The following XG variants were observed in gnomAD, a reference collection of about 807,000 sequenced individuals.
XG encodes the protein glycoprotein Xg.
In XG, 24 loss-of-function variants were observed where a neutral mutation model predicts 25.7. The ratio of observed to expected loss-of-function variants is 0.93; its 90% CI spans 0.68 to 1.31. XG has a LOEUF of 1.31. Among genes scored for constraint, XG ranks in the 40% most tolerant of loss-of-function variants. The probability of loss-of-function intolerance (pLI) is 0.00; values close to 1 mark genes in which losing one functional copy is unlikely to be tolerated. For synonymous variants in XG, 77 were observed against 69.2 expected (o/e 1.11, Z -0.56); for missense variants, 181 against 187.6 (o/e 0.96, Z 0.21).
At chrX:2,771,264 A>G (rs754453971) in intron 2 of XG, among the ~76,000 whole-genome samples, 29 of 151,190 alleles carry the variant, frequency 1.9e-4, no homozygotes, top group African/African-American at 7.1e-4. Context: ...ACTTCAGTTC[A>G]TATCCCTCAT....
At chrX:2,758,020 C>T (rs996228119) in intron 1 of XG, among the ~76,000 whole-genome samples, 8 of 150,534 alleles carry the variant, frequency 5.3e-5, no homozygotes, top group Non-Finnish European at 7.4e-5. Context: ...ATGATGATCG[C>T]CTAAGGTGAG....
intron 9 of XG, among the ~76,000 whole-genome samples, chrX:2,809,746 A>C: frequency 9.0e-6 from 1 of 111,706 alleles, no homozygotes; most frequent in East Asian, 2.8e-4. Context: ...CGCTTTGACC[A>C]TGTTTCCTGG....
At chrX:2,774,979 G>A in intron 3 of XG, 1 of 574,172 alleles carries the variant, frequency 1.7e-6, no homozygotes, top group South Asian at 2.1e-5. Flanking sequence ...AATAACAAGT[G>A]TTGGCAAGGA....
intron 7 of XG, among the ~76,000 whole-genome samples, chrX:2,804,982 C>G (rs1324221098): frequency 8.9e-5 from 10 of 112,481 alleles, no homozygotes; most frequent in East Asian, 2.8e-4. Flanking sequence ...GCCTGTGCTC[C>G]CCTTCCTGCC....
chrX:2,812,606 G>A (rs2087068931), intron 10 of XG, among the ~76,000 whole-genome samples: 1 of 111,738 alleles, frequency 8.9e-6, no homozygotes, highest in Non-Finnish European at 1.9e-5. Flanking sequence ...CCCTCTGCTG[G>A]TGAATGGGCA....
chrX:2,770,647 T>A, intron 2 of XG, 56 bp downstream of exon 2: 2 of 1,593,382 alleles, frequency 1.3e-6, no homozygotes, highest in South Asian at 2.2e-5. Flanking sequence ...TCTAACAGCA[T>A]CAGCTGTATA....
chrX:2,752,913 T>A (rs1206166539), intron 1 of XG: 1 of 985,266 alleles, frequency 1.0e-6, no homozygotes, highest in African/African-American at 1.7e-5. Flanking sequence ...CTGTCCCAGA[T>A]CCAAGATTAG....
chrX:2,778,948 G>C (rs1329492414), intron 3 of XG, among the ~76,000 whole-genome samples: 2 of 151,848 alleles, frequency 1.3e-5, no homozygotes, highest in East Asian at 3.9e-4. Flanking sequence ...TTTTTTAGTA[G>C]AGACGGGGTT....
intron 4 of XG, among the ~76,000 whole-genome samples, chrX:2,786,080 CA>C (rs1264539853): frequency 9.1e-6 from 1 of 109,569 alleles, no homozygotes; most frequent in Non-Finnish European, 1.9e-5. Context: ...TGGAGGAACC[CA>C]AAATTCTCTC....
chrX:2,766,757 G>C (rs1345057236), intron 1 of XG, among the ~76,000 whole-genome samples: 2 of 150,598 alleles, frequency 1.3e-5, no homozygotes, highest in African/African-American at 2.5e-5. Flanking sequence ...ACTAGAGACG[G>C]GGTTTCACCG....
At chrX:2,805,548 A>G (rs148193668) in intron 7 of XG, among the ~76,000 whole-genome samples, 385 of 103,083 alleles carry the variant, frequency 3.7e-3, no homozygotes, top group Non-Finnish European at 6.8e-3. Flanking sequence ...CTGCTATCAC[A>G]GAATACTATA....
intron 3 of XG, among the ~76,000 whole-genome samples, chrX:2,776,808 C>G (rs1274518503): frequency 6.6e-6 from 1 of 152,142 alleles, no homozygotes. Context: ...AGATCTCCCA[C>G]TGCACTCCAG....
At chrX:2,782,224 A>G in intron 4 of XG, 96 bp downstream of exon 4, 1 of 953,083 alleles carries the variant, frequency 1.0e-6, no homozygotes, top group Non-Finnish European at 1.5e-6. Context: ...CATTTGAAAT[A>G]TGTGTGTAAT....
At chrX:2,811,798 G>A (rs1162028977) in intron 10 of XG, among the ~76,000 whole-genome samples, 22 of 110,814 alleles carry the variant, frequency 2.0e-4, no homozygotes, top group Admixed American at 1.8e-3. Flanking sequence ...GTTTCACCAT[G>A]TTGGCCAGGC....
chrX:2,765,453 G>T (rs1487853422), intron 1 of XG, among the ~76,000 whole-genome samples: 2 of 150,122 alleles, frequency 1.3e-5, no homozygotes, highest in East Asian at 3.9e-4. Flanking sequence ...ACCAGGGCAC[G>T]CAGATCAAAG....
At chrX:2,782,700 A>G (rs1276947545) in intron 4 of XG, among the ~76,000 whole-genome samples, 2 of 111,411 alleles carry the variant, frequency 1.8e-5, no homozygotes, top group East Asian at 2.8e-4. Flanking sequence ...TCCAGTGCAG[A>G]GGCTGCAAAA....
chrX:2,759,768 G>C (rs892201789), intron 1 of XG, among the ~76,000 whole-genome samples: 2 of 152,206 alleles, frequency 1.3e-5, no homozygotes, highest in South Asian at 2.1e-4. Context: ...TGGCACACAG[G>C]GGGTAGAAAA....
chrX:2,775,688 GCTCACAC>G, intron 3 of XG, among the ~76,000 whole-genome samples: 1 of 151,910 alleles, frequency 6.6e-6, no homozygotes, highest in Non-Finnish European at 1.5e-5. Flanking sequence ...GGGGGCGGTG[GCTCACAC>G]CTGTAATCCC....
intron 5 of XG, among the ~76,000 whole-genome samples, chrX:2,793,182 C>T (rs954976425): frequency 9.0e-6 from 1 of 111,687 alleles, no homozygotes; most frequent in African/African-American, 3.3e-5. Flanking sequence ...GGGTTGCACC[C>T]GGCTTGCATT....
Sources: gnomAD v4.1 joint callset for allele counts (sites outside exome capture counted in the v4.1 genomes callset) on GRCh38, gnomAD v4.1.1 for gene constraint, MANE v1.5 for transcripts, NCBI Gene and HGNC (gene_info 2026-07-23, HGNC 2026-07-21) for gene names.